MMS22L: variants seen among roughly 807,000 people sequenced by gnomAD.
The protein encoded by MMS22L is protein MMS22-like.
A neutral mutation model predicts 159.1 loss-of-function variants in MMS22L; 74 were observed. The observed-to-expected ratio is 0.47, with a 90% CI of 0.39 to 0.56. The LOEUF is 0.56. Among genes scored for constraint, MMS22L ranks in the 20% least tolerant of loss-of-function variants. The pLI is 0.00. For missense variants in MMS22L, 1,351 were observed against 1,422.1 expected (o/e 0.95, Z 0.80); for synonymous variants, 517 against 506.9 (o/e 1.02, Z -0.27).
chr6:97,161,869 T>C, intron 22 of MMS22L, 133 bp downstream of exon 22: 1 of 833,026 alleles, frequency 1.2e-6, no homozygotes, highest in Non-Finnish European at 1.8e-6. Flanking sequence ...GAGTTTATTC[T>C]TTAACCATGA....
chr6:97,228,874 C>A lies in MMS22L; in HGVS notation c.2039+20G>T. Reference sequence around the variant, plus strand: ...TTATATAAAACAAATCATAAATTAGCATACAACTGAAAACCATACCTGATT... The same window carrying A: ...TTATATAAAACAAATCATAAATTAGAATACAACTGAAAACCATACCTGATT... On this transcript the variant is annotated intron_variant, in intron 14 of 24. Coordinates refer to ENST00000683635, the MANE Select transcript of MMS22L (RefSeq NM_001350599.2). 1 of 1,575,728 alleles carries A rather than the reference C, an allele frequency of 6.3e-7. No individual in the cohort carries two copies. Among genetic ancestry groups the A allele is most frequent in the Non-Finnish European group, 8.6e-7 (1 of 1,163,344 alleles).
chr6:97,269,070 T>A (rs1361322830), intron 7 of MMS22L, among the ~76,000 whole-genome samples: 2 of 151,968 alleles, frequency 1.3e-5, no homozygotes, highest in Non-Finnish European at 2.9e-5. Context: ...AAGATATTTA[T>A]CCATAATATG....
chr6:97,267,929 T>C lies in MMS22L; in HGVS notation c.771A>G (p.Glu257=), dbSNP rs1200203010. The C allele has an allele frequency of 1.2e-6, 2 of 1,609,986 alleles. No homozygotes were observed. Among genetic ancestry groups the C allele is most frequent in the Non-Finnish European group, 8.5e-7 (1 of 1,178,630 alleles). ...DNLTNISLFE[E]HCETLLCDLI... is the part of the protein sequence containing the mutation. ...AATCACAAAGGAGAGTTTCACAATG[T>C]TCTTCAAATAGGCTGATGTTGGTTA... is the stretch of plus-strand genomic sequence containing the variant. The change falls in exon 8 of 25, where the codon GAA becomes GAG. Residue 257 remains glutamate, a synonymous_variant. Transcript: ENST00000683635.
At chr6:97,151,524 A>G (rs896554916) in intron 23 of MMS22L, 2 of 418,734 alleles carry the variant, frequency 4.8e-6, no homozygotes, top group African/African-American at 4.1e-5. Flanking sequence ...ATGACTGTTC[A>G]TGCAAGATTC....
intron 9 of MMS22L, among the ~76,000 whole-genome samples, chr6:97,257,714 A>C (rs1315647508): frequency 6.6e-6 from 1 of 152,150 alleles, no homozygotes; most frequent in Non-Finnish European, 1.5e-5. Context: ...GGCATGAGCC[A>C]CCACACCTGG....
intron 7 of MMS22L, 43 bp downstream of exon 7, chr6:97,269,858 AG>A: frequency 4.3e-6 from 6 of 1,398,458 alleles, no homozygotes; most frequent in Non-Finnish European, 5.9e-6. Flanking sequence ...AAGCAATAAA[AG>A]CTGATTTTAA....
intron 14 of MMS22L, among the ~76,000 whole-genome samples, chr6:97,217,267 C>A (rs544570339): frequency 1.1e-4 from 16 of 151,882 alleles, no homozygotes; most frequent in African/African-American, 3.6e-4. Context: ...TTTTTTGAGG[C>A]GGAGTTTCAC....
intron 14 of MMS22L, among the ~76,000 whole-genome samples, chr6:97,188,457 CTA>C (rs1027389237): frequency 6.6e-6 from 1 of 152,134 alleles, no homozygotes; most frequent in Admixed American, 6.5e-5. Context: ...CGGAACAACT[CTA>C]TGAGATAGGT....
At chr6:97,211,874 T>G (rs1261834894) in intron 14 of MMS22L, among the ~76,000 whole-genome samples, 3 of 152,162 alleles carry the variant, frequency 2.0e-5, no homozygotes, top group Non-Finnish European at 4.4e-5. Context: ...CTTTAAAAAC[T>G]TTTGAACTGC....
At chr6:97,268,250 T>C (rs192296100) in intron 7 of MMS22L, among the ~76,000 whole-genome samples, 12 of 151,434 alleles carry the variant, frequency 7.9e-5, no homozygotes, top group Admixed American at 7.3e-4. Context: ...AGTGACGCGA[T>C]CTCAGATAAC....
intron 11 of MMS22L, among the ~76,000 whole-genome samples, chr6:97,243,384 A>G (rs1812287830): frequency 6.6e-6 from 1 of 152,014 alleles, no homozygotes; most frequent in South Asian, 2.1e-4. Context: ...GAAACTTCTC[A>G]GTGCATTTTG....
At chr6:97,280,449 C>T (rs1389789950) in intron 3 of MMS22L, among the ~76,000 whole-genome samples, 1 of 152,036 alleles carries the variant, frequency 6.6e-6, no homozygotes, top group Non-Finnish European at 1.5e-5. Flanking sequence ...TCTCCTGCCT[C>T]AGCCTCCTGA....
chr6:97,261,787 G>C (rs1300899700), intron 9 of MMS22L: 3 of 152,072 alleles, frequency 2.0e-5, no homozygotes, highest in African/African-American at 7.2e-5. Flanking sequence ...ATTTTTCTTG[G>C]CTACCCAGAA....
At chr6:97,204,044 A>C (rs1303238570) in intron 14 of MMS22L, among the ~76,000 whole-genome samples, 1 of 152,252 alleles carries the variant, frequency 6.6e-6, no homozygotes, top group Non-Finnish European at 1.5e-5. Context: ...TGACACAGTG[A>C]GGAATGCCAA....
At chr6:97,271,921 C>T (rs889642042) in intron 6 of MMS22L, 2 of 152,230 alleles carry the variant, frequency 1.3e-5, no homozygotes, top group South Asian at 2.1e-4. Flanking sequence ...ATCCTCCTGC[C>T]TCAGCCACCC....
In MMS22L at chr6:97,163,704, T is replaced by A. The variant is rs573435817; in HGVS notation, c.3222-1539A>T. Among the ~76,000 whole-genome samples, 4 of 152,198 alleles carry A rather than the reference T, an allele frequency of 2.6e-5. No individual in the cohort carries two copies. The East Asian group carries it at 7.7e-4, about 29-fold the overall frequency. On this transcript the variant is annotated intron_variant, in intron 21 of 24. Coordinates refer to ENST00000683635, the MANE Select transcript of MMS22L (RefSeq NM_001350599.2). ...ACTATCATAATTCTGCAAATTGAGC[T>A]GTACAGGGCATATGATTTCAAAAAA...
chr6:97,282,346 T>C lies in MMS22L; in HGVS notation c.132A>G (p.Gly44=). 1 of 1,614,142 alleles carries C rather than the reference T, an allele frequency of 6.2e-7. No homozygotes were observed. The highest frequency in any genetic ancestry group is 2.2e-5 in the East Asian group (1 of 44,878). The change falls in exon 2 of 25, where the codon GGA becomes GGG. Residue 44 remains glycine (G), a synonymous_variant. Coordinates refer to ENST00000683635, the MANE Select transcript of MMS22L (RefSeq NM_001350599.2). ...GGGCTCCGCTGCAGAGGTAGGATTC[T>C]CCAGAAAAATGTTTTCCTCCTCCTC... ...DNRGGGKHFS[G]ESYLCSGALK...
chr6:97,270,152 G>A (rs955050399), intron 6 of MMS22L, 160 bp from the exon 7 acceptor site: 6 of 653,890 alleles, frequency 9.2e-6, no homozygotes, highest in South Asian at 8.7e-5. Context: ...TTCATTAGAG[G>A]ATTCTTTCAC....
chr6:97,154,624 G>T (rs946112334), intron 22 of MMS22L, among the ~76,000 whole-genome samples: 1 of 151,990 alleles, frequency 6.6e-6, no homozygotes, highest in Non-Finnish European at 1.5e-5. Flanking sequence ...GTTAGTTTTC[G>T]TATGTGGTAG....
Sources: allele counts gnomAD v4.1 joint callset (sites outside exome capture counted in the v4.1 genomes callset), GRCh38; gene constraint gnomAD v4.1.1; transcripts MANE v1.5; gene names NCBI Gene and HGNC (gene_info 2026-07-23, HGNC 2026-07-21).